ANGPT1: variants seen among roughly 807,000 people sequenced by gnomAD.
ANGPT1 encodes angiopoietin 1.
A neutral mutation model predicts 62.2 loss-of-function variants in ANGPT1; 17 were observed. That is an observed-to-expected ratio of 0.27 (90% CI 0.19 to 0.41). The LOEUF (loss-of-function observed/expected upper bound fraction) is 0.41, where lower values mean the gene tolerates loss of function less well. Among genes scored for constraint, ANGPT1 ranks in the 10% least tolerant of loss-of-function variants. The pLI, the probability that ANGPT1 is intolerant of heterozygous loss-of-function variation, is 1.00. For synonymous variants in ANGPT1, 199 were observed against 198.9 expected (o/e 1.00, Z 0.00); for missense variants, 478 against 594.9 (o/e 0.80, Z 2.04).
In ANGPT1 at chr8:107,402,925, A is replaced by G. The variant is rs202240539; in HGVS notation, c.298-55828T>C. On this transcript the variant is annotated intron_variant, in intron 1 of 8. Coordinates refer to ENST00000517746, the MANE Select transcript of ANGPT1 (RefSeq NM_001146.5). The stretch of plus-strand genomic sequence containing the variant: ...ATAACGTTGTACATTTAGTACATTT[A>G]GTAATGAACATTTCAGTTTTGTTTG... 9.2e-5 allele frequency among the ~76,000 whole-genome samples: 14 copies of G among 152,344 alleles called. No individual in the cohort carries two copies. In the East Asian group the frequency reaches 1.9e-3, roughly 21 times the overall value.
intron 1 of ANGPT1, among the ~76,000 whole-genome samples, chr8:107,394,399 C>T (rs1037934593): frequency 2.2e-4 from 33 of 152,122 alleles, no homozygotes; most frequent in Admixed American, 5.2e-4. Flanking sequence ...AGAAAGCCAG[C>T]GCCAGTCTCA....
intron 1 of ANGPT1, among the ~76,000 whole-genome samples, chr8:107,360,742 A>G (rs1318868261): frequency 6.6e-6 from 1 of 152,144 alleles, no homozygotes; most frequent in East Asian, 1.9e-4. Flanking sequence ...CTAACATTTG[A>G]TGATCACCGT....
chr8:107,460,517 T>C (rs1313272077), intron 1 of ANGPT1, among the ~76,000 whole-genome samples: 2 of 152,322 alleles, frequency 1.3e-5, no homozygotes, highest in East Asian at 3.9e-4. Context: ...TGCTATTGCA[T>C]GAATGAACAA....
At chr8:107,442,975 A>C (rs555202175) in intron 1 of ANGPT1, among the ~76,000 whole-genome samples, 2 of 152,280 alleles carry the variant, frequency 1.3e-5, no homozygotes, top group East Asian at 3.9e-4. Flanking sequence ...TTCTTTTCCT[A>C]ATGTAGAATG....
intron 7 of ANGPT1, among the ~76,000 whole-genome samples, chr8:107,282,467 C>T (rs560256356): frequency 1.4e-5 from 2 of 144,070 alleles, no homozygotes; most frequent in Admixed American, 1.4e-4. Context: ...CGTGTGTACA[C>T]ATGCATATGC....
At chr8:107,306,967 C>T (rs1484221620) in intron 4 of ANGPT1, among the ~76,000 whole-genome samples, 1 of 151,980 alleles carries the variant, frequency 6.6e-6, no homozygotes, top group Non-Finnish European at 1.5e-5. Flanking sequence ...TCAGGGGGAA[C>T]CTTCCGGAGA....
At chr8:107,311,525 A>G (rs1159051742) in intron 4 of ANGPT1, among the ~76,000 whole-genome samples, 3 of 152,196 alleles carry the variant, frequency 2.0e-5, no homozygotes, top group Admixed American at 1.3e-4. Context: ...CAATAATACT[A>G]CGATATACAT....
chr8:107,385,931 A>G (rs1816723627), intron 1 of ANGPT1, among the ~76,000 whole-genome samples: 1 of 152,060 alleles, frequency 6.6e-6, no homozygotes, highest in Non-Finnish European at 1.5e-5. Flanking sequence ...CTGAATCACA[A>G]TTATTGATTT....
rs113744244 is a variant in ANGPT1 at position 107,410,030 on chromosome 8, G to A, written c.298-62933C>T. Among the ~76,000 whole-genome samples the A allele has an allele frequency of 4.1e-3, 630 of 152,140 alleles. 2 individuals carry two copies. Among genetic ancestry groups the A allele is most frequent in the African/African-American group, 0.015 (605 of 41,508 alleles). ...GAGCCAGATGCTGTGCTAAGTAATA[G>A]GAAAGTTATGCCAGACCCAGGGGGA... is the stretch of plus-strand genomic sequence containing the variant. On this transcript the variant is annotated intron_variant, in intron 1 of 8. Coordinates refer to ENST00000517746, the MANE Select transcript of ANGPT1 (RefSeq NM_001146.5).
chr8:107,349,159 T>TAGATAGAC (rs1815878311), intron 1 of ANGPT1, among the ~76,000 whole-genome samples: 1 of 151,948 alleles, frequency 6.6e-6, no homozygotes, highest in Non-Finnish European at 1.5e-5. Flanking sequence ...GATAGATAGA[T>TAGATAGAC]AGATAGATCT....
At chr8:107,445,731 G>C (rs181280768) in intron 1 of ANGPT1, among the ~76,000 whole-genome samples, 2 of 152,068 alleles carry the variant, frequency 1.3e-5, no homozygotes, top group South Asian at 2.1e-4. Context: ...AAATAGATAC[G>C]AGTAACACTG....
chr8:107,422,033 T>C (rs1359226568), intron 1 of ANGPT1, among the ~76,000 whole-genome samples: 1 of 152,152 alleles, frequency 6.6e-6, no homozygotes, highest in Non-Finnish European at 1.5e-5. Flanking sequence ...AGTCATTCTA[T>C]AGAGAGTAAG....
At chr8:107,477,222 T>C (rs1812557143) in intron 1 of ANGPT1, among the ~76,000 whole-genome samples, 1 of 152,194 alleles carries the variant, frequency 6.6e-6, no homozygotes, top group Non-Finnish European at 1.5e-5. Flanking sequence ...CATATGTCCA[T>C]TCACCTCTCC....
intron 1 of ANGPT1, among the ~76,000 whole-genome samples, chr8:107,492,050 T>C (rs560106498): frequency 1.5e-5 from 2 of 136,222 alleles, no homozygotes; most frequent in Non-Finnish European, 3.2e-5. Flanking sequence ...TCTGAAAGGG[T>C]TTTTTTTGGA....
intron 1 of ANGPT1, among the ~76,000 whole-genome samples, chr8:107,430,715 T>G (rs1230079169): frequency 6.6e-6 from 1 of 152,052 alleles, no homozygotes; most frequent in Non-Finnish European, 1.5e-5. Flanking sequence ...GGTCAGCGGG[T>G]CAGGGTTTAT....
chr8:107,253,272 AG>A (rs1437842529), intron 8 of ANGPT1, among the ~76,000 whole-genome samples: 1 of 152,206 alleles, frequency 6.6e-6, no homozygotes, highest in Non-Finnish European at 1.5e-5. Context: ...AGGGACAAAA[AG>A]GTTCTTGTTT....
intron 1 of ANGPT1, among the ~76,000 whole-genome samples, chr8:107,489,692 A>G (rs2130538487): frequency 6.6e-6 from 1 of 152,320 alleles, no homozygotes; most frequent in South Asian, 2.1e-4. Context: ...TAATCCATGG[A>G]GGGCGTCATT....
intron 8 of ANGPT1, among the ~76,000 whole-genome samples, chr8:107,262,376 T>A (rs1813513153): frequency 6.6e-6 from 1 of 152,226 alleles, no homozygotes; most frequent in South Asian, 2.1e-4. Context: ...ACTACTTCAC[T>A]AATTCAGGTA....
intron 1 of ANGPT1, among the ~76,000 whole-genome samples, chr8:107,361,728 T>C (rs1179903006): frequency 6.6e-6 from 1 of 151,670 alleles, no homozygotes; most frequent in Non-Finnish European, 1.5e-5. Flanking sequence ...CCATATCTTA[T>C]TAAGTATGTA....
Sources: gnomAD v4.1 joint callset for allele counts (sites outside exome capture counted in the v4.1 genomes callset) on GRCh38, gnomAD v4.1.1 for gene constraint, MANE v1.5 for transcripts, NCBI Gene and HGNC (gene_info 2026-07-23, HGNC 2026-07-21) for gene names.